The following TENM1 variants were observed in gnomAD, a reference collection of about 807,000 sequenced individuals.
The protein encoded by TENM1 is teneurin-1.
A neutral mutation model predicts 174.8 loss-of-function variants in TENM1; 35 were observed. The ratio of observed to expected loss-of-function variants is 0.20; its 90% CI spans 0.15 to 0.27. The LOEUF (loss-of-function observed/expected upper bound fraction) is 0.27. TENM1 is among the 10% of genes least tolerant of loss of function. The pLI is 1.00. For missense variants in TENM1, 1,633 were observed against 2,130.1 expected (o/e 0.77, Z 4.59); for synonymous variants, 781 against 798.7 (o/e 0.98, Z 0.37).
chrX:125,064,467 A>T, the TENM1 span, among the ~76,000 whole-genome samples: 3 of 111,780 alleles, frequency 2.7e-5, no homozygotes, highest in Admixed American at 2.8e-4. Flanking sequence ...CTTTACACAA[A>T]GTTTATGGGG....
At chrX:125,156,020 T>C in the TENM1 span, among the ~76,000 whole-genome samples, 1 of 112,457 alleles carries the variant, frequency 8.9e-6, no homozygotes. Flanking sequence ...CGCTGTCACC[T>C]CTCAGTAGGA....
At chrX:124,640,606 T>C (rs1449595969) in intron 11 of TENM1, among the ~76,000 whole-genome samples, 1 of 112,028 alleles carries the variant, frequency 8.9e-6, no homozygotes, top group Non-Finnish European at 1.9e-5. Flanking sequence ...AGACAAGCCA[T>C]GTGCACACAT....
chrX:124,675,588 T>G (rs2052048537), intron 5 of TENM1, among the ~76,000 whole-genome samples: 1 of 107,273 alleles, frequency 9.3e-6, no homozygotes, highest in South Asian at 4.0e-4. Flanking sequence ...GAGTGCTTAC[T>G]TTAAACCAGG....
upstream of TENM1, among the ~76,000 whole-genome samples, chrX:124,968,611 T>C (rs1412857342): frequency 8.9e-6 from 1 of 111,931 alleles, no homozygotes; most frequent in African/African-American, 3.2e-5. Context: ...TGAGTGCCCT[T>C]GGAAGCACTC....
At chrX:124,613,627 C>T (rs1380160176) in intron 11 of TENM1, among the ~76,000 whole-genome samples, 2 of 111,276 alleles carry the variant, frequency 1.8e-5, no homozygotes, top group Admixed American at 1.9e-4. Context: ...TATTTCATTT[C>T]TTTCACTGCT....
chrX:124,876,954 C>A (rs1399333365), intron 3 of TENM1, among the ~76,000 whole-genome samples: 3 of 111,995 alleles, frequency 2.7e-5, no homozygotes, highest in African/African-American at 6.5e-5. Flanking sequence ...TATTTTACTG[C>A]TTATGCCTAT....
the TENM1 span, among the ~76,000 whole-genome samples, chrX:125,175,038 A>C: frequency 8.9e-6 from 1 of 111,826 alleles, no homozygotes; most frequent in South Asian, 3.7e-4. Flanking sequence ...TAGATCATAC[A>C]CATGCGCACA....
chrX:125,135,492 T>A, the TENM1 span, among the ~76,000 whole-genome samples: 1 of 112,312 alleles, frequency 8.9e-6, no homozygotes, highest in East Asian at 2.8e-4. Flanking sequence ...ACCCTGGGGC[T>A]AATTATCTTT....
At position 124,592,925 on chromosome X, in the gene TENM1, G is replaced by C. The variant is rs766624819; in HGVS notation, c.2078-27365C>G. On this transcript the variant is annotated intron_variant, in intron 11 of 31. Transcript: ENST00000422452. Reference sequence around the variant, plus strand: ...AGTTAGACCTACAAGCCAGTAGATGGTGCTTGTAGGTAAGAGCTAGCTAGC... The same window carrying C: ...AGTTAGACCTACAAGCCAGTAGATGCTGCTTGTAGGTAAGAGCTAGCTAGC... 2.2e-4 allele frequency among the ~76,000 whole-genome samples: 25 copies of C among 111,144 alleles called. No individual in the cohort carries two copies. The South Asian group carries it at 7.7e-3, about 34-fold the overall frequency.
chrX:124,514,688 G>A (rs767036756), intron 18 of TENM1, among the ~76,000 whole-genome samples: 2 of 110,645 alleles, frequency 1.8e-5, no homozygotes, highest in African/African-American at 3.3e-5. Flanking sequence ...GTAATAAATA[G>A]CCTACCAACC....
intron 15 of TENM1, among the ~76,000 whole-genome samples, chrX:124,531,788 T>C (rs770363580): frequency 4.4e-5 from 5 of 112,630 alleles, no homozygotes; most frequent in Non-Finnish European, 7.5e-5. Flanking sequence ...TTTGAAGTCA[T>C]TGAGTTCTGG....
intron 3 of TENM1, among the ~76,000 whole-genome samples, chrX:124,856,393 T>C (rs943574991): frequency 9.0e-6 from 1 of 111,249 alleles, no homozygotes; most frequent in African/African-American, 3.3e-5. Flanking sequence ...ATCAAAAAAC[T>C]TAAACATTAT....
At chrX:125,179,600 C>T in the TENM1 span, among the ~76,000 whole-genome samples, 1 of 111,289 alleles carries the variant, frequency 9.0e-6, no homozygotes, top group East Asian at 2.8e-4. Flanking sequence ...TCCCTTATGC[C>T]CATATCTAAT....
At chrX:124,834,805 A>G (rs2056360436) in intron 3 of TENM1, among the ~76,000 whole-genome samples, 1 of 112,009 alleles carries the variant, frequency 8.9e-6, no homozygotes, top group African/African-American at 3.2e-5. Context: ...AATTTTAGTA[A>G]ACCAATATTT....
At chrX:124,733,170 G>C (rs1343179922) in intron 4 of TENM1, among the ~76,000 whole-genome samples, 1 of 112,112 alleles carries the variant, frequency 8.9e-6, no homozygotes, top group African/African-American at 3.2e-5. Flanking sequence ...TTAGCACAAA[G>C]AATAGAGGAC....
At chrX:124,510,791 C>CACACACACACACACA (rs2047564624) in intron 18 of TENM1, among the ~76,000 whole-genome samples, 1 of 111,790 alleles carries the variant, frequency 8.9e-6, no homozygotes, top group Non-Finnish European at 1.9e-5. Context: ...CACACACACA[C>CACACACACACACACA]ACTTGAAGTT....
At chrX:124,878,497 C>T (rs906466947) in intron 3 of TENM1, among the ~76,000 whole-genome samples, 8 of 109,213 alleles carry the variant, frequency 7.3e-5, no homozygotes, top group South Asian at 8.6e-4. Flanking sequence ...TTGGTGCCCT[C>T]CCGGTGGTCA....
At chrX:124,601,759 G>C (rs1449157586) in intron 11 of TENM1, among the ~76,000 whole-genome samples, 1 of 110,361 alleles carries the variant, frequency 9.1e-6, no homozygotes, top group Non-Finnish European at 1.9e-5. Context: ...GCAAGGCTGA[G>C]AGTTGACATA....
chrX:125,016,143 T>A, the TENM1 span, among the ~76,000 whole-genome samples: 2 of 111,666 alleles, frequency 1.8e-5, no homozygotes, highest in Non-Finnish European at 3.8e-5. Context: ...CAAGGGCAGA[T>A]GTGTGTGAAG....
Sources: allele counts gnomAD v4.1 joint callset (sites outside exome capture counted in the v4.1 genomes callset), GRCh38; gene constraint gnomAD v4.1.1; transcripts MANE v1.5; gene names NCBI Gene and HGNC (gene_info 2026-07-23, HGNC 2026-07-21).